The following PSIP1 variants were observed in gnomAD, a reference collection of about 807,000 sequenced individuals.
PSIP1 encodes PC4 and SRSF1 interacting protein 1, also known as PC4 and SFRS1-interacting protein.
PSIP1 carries 19 observed loss-of-function variants against 74.7 expected under a neutral mutation model. The observed-to-expected ratio is 0.25, with a 90% confidence interval of 0.18 to 0.37. The LOEUF (loss-of-function observed/expected upper bound fraction) is 0.37, where lower values mean the gene tolerates loss of function less well. PSIP1 is among the 10% of genes least tolerant of loss of function. The pLI is 1.00. For synonymous variants in PSIP1, 222 were observed against 195.3 expected (o/e 1.14, Z -1.14); for missense variants, 601 against 614.3 (o/e 0.98, Z 0.23).
rs145388705 is a variant in PSIP1 at position 15,479,462 on chromosome 9, G to A, written c.553+129C>T. On this transcript the variant is annotated intron_variant, in intron 7 of 15. Transcript: ENST00000380733. Reference sequence around the variant, plus strand: ...AGCACAAATCATGTTTATCTCCTTTGAAATCTGTATGTTACACATAATCAA... The same window carrying A: ...AGCACAAATCATGTTTATCTCCTTTAAAATCTGTATGTTACACATAATCAA... 2.7e-4 allele frequency: 157 copies of A among 591,690 alleles called. 1 individual carries two copies. Among genetic ancestry groups the A allele is most frequent in the African/African-American group, 2.5e-3 (132 of 51,800 alleles). 36.7% of individuals were successfully genotyped at this position (591,690 alleles called of 1,614,324 possible).
intron 3 of PSIP1, among the ~76,000 whole-genome samples, chr9:15,490,439 T>C (rs1046329146): frequency 1.3e-5 from 2 of 152,022 alleles, no homozygotes; most frequent in African/African-American, 4.8e-5. Flanking sequence ...TCTCACCACT[T>C]TGGGAAGCTG....
In PSIP1 at chr9:15,479,326, C is replaced by A. The variant is rs556983731; in HGVS notation, c.553+265G>T. Among the ~76,000 whole-genome samples the A allele has an allele frequency of 6.6e-5, 10 of 152,134 alleles. No homozygotes were observed. In the East Asian group the frequency reaches 1.7e-3, roughly 26 times the overall value. ...ACTCTTAAGTGAAAGGTAAAATAAA[C>A]CCATTATTCATGATAATTTTAACCT... On this transcript the variant is annotated intron_variant, in intron 7 of 15. Coordinates refer to ENST00000380733, the MANE Select transcript of PSIP1 (RefSeq NM_033222.5).
rs565512752 is a variant in PSIP1 at position 15,494,996 on chromosome 9, C to G, written c.150-4872G>C. ...ACACAAATTCTCCCTCCTGAAAAAC[C>G]AGAAAAACAACAGTAAAGAGATTAT... is the stretch of plus-strand genomic sequence containing the variant. On this transcript the variant is annotated intron_variant, in intron 3 of 15. Transcript: ENST00000380733. Among the ~76,000 whole-genome samples the G allele has an allele frequency of 7.2e-5, 11 of 152,090 alleles. No individual in the cohort carries two copies. In the East Asian group the frequency reaches 2.1e-3, roughly 29 times the overall value.
At chr9:15,507,634 T>C (rs1381598025) in intron 2 of PSIP1, among the ~76,000 whole-genome samples, 2 of 151,838 alleles carry the variant, frequency 1.3e-5, no homozygotes, top group African/African-American at 2.4e-5. Context: ...TGAGATCCTG[T>C]CTTTAAAAAA....
At chr9:15,506,525 T>G (rs757830328) in intron 3 of PSIP1, 36 bp downstream of exon 3, 1 of 1,446,488 alleles carries the variant, frequency 6.9e-7, no homozygotes, top group Non-Finnish European at 9.7e-7. Flanking sequence ...CCTGTTAAAT[T>G]AGCTCTGATT....
chr9:15,505,043 A>AC (rs2037522901), intron 3 of PSIP1: 2 of 146,256 alleles, frequency 1.4e-5, no homozygotes, highest in African/African-American at 2.6e-5. Flanking sequence ...GGCTCAGGTG[A>AC]CGGTTCCACC....
At chr9:15,486,116 A>G (rs1429434412) in intron 5 of PSIP1, 48 bp from the exon 6 acceptor site, 2 of 1,449,990 alleles carry the variant, frequency 1.4e-6, no homozygotes, top group South Asian at 1.2e-5. Flanking sequence ...TATTCCAGGA[A>G]TGAAAGAAAC....
chr9:15,488,347 A>G (rs968818270), intron 4 of PSIP1, among the ~76,000 whole-genome samples: 3 of 152,026 alleles, frequency 2.0e-5, no homozygotes, highest in Admixed American at 1.3e-4. Context: ...AACAACAAAA[A>G]AAAGAGTAAA....
chr9:15,489,862 A>G, intron 4 of PSIP1, 124 bp downstream of exon 4: 1 of 779,264 alleles, frequency 1.3e-6, no homozygotes, highest in Non-Finnish European at 1.8e-6. Flanking sequence ...AACCTCACAA[A>G]TAAGAACACA....
At chr9:15,469,406 G>A (rs2035748715) in intron 11 of PSIP1, 70 bp from the exon 12 acceptor site, 3 of 938,500 alleles carry the variant, frequency 3.2e-6, no homozygotes, top group Middle Eastern at 2.2e-4. Context: ...TACAGGCTAA[G>A]TATAATGAAT....
intron 10 of PSIP1, chr9:15,470,711 C>G (rs1426551759): frequency 1.1e-6 from 1 of 942,326 alleles, no homozygotes; most frequent in Non-Finnish European, 1.3e-6. Flanking sequence ...ACTGTTTAAT[C>G]TCTCAGGATT....
At position 15,500,215 on chromosome 9, in the gene PSIP1, C is replaced by T. The variant is rs369420993; in HGVS notation, c.149+6346G>A. ...GGCGTGGTGGCTCACGCCTGTAATC[C>T]CAGCACTGTGGAGGCCGAGGCAGGA... On this transcript the variant is annotated intron_variant, in intron 3 of 15. Coordinates refer to ENST00000380733, the MANE Select transcript of PSIP1 (RefSeq NM_033222.5). 5.3e-5 allele frequency among the ~76,000 whole-genome samples: 8 copies of T among 152,256 alleles called. No homozygotes were observed. In the East Asian group the frequency reaches 7.7e-4, roughly 15 times the overall value.
rs759129669 is a variant in PSIP1 at position 15,469,903 on chromosome 9, T to TA, written c.1033+34dup. 30 of 1,552,960 alleles carry TA rather than the reference T, an allele frequency of 1.9e-5. No homozygotes were observed. In the African/African-American group the frequency reaches 3.5e-4, roughly 18 times the overall value. On this transcript the variant is annotated intron_variant, in intron 11 of 15. Coordinates refer to ENST00000380733, the MANE Select transcript of PSIP1 (RefSeq NM_033222.5). ...GTCTATATAACTTCTTTTCCATGTATAATTTTATGTATCTTAGAAAGTGAA... is the reference window on the plus strand; with the variant it reads ...GTCTATATAACTTCTTTTCCATGTATAAATTTTATGTATCTTAGAAAGTGAA...
chr9:15,482,672 C>G (rs1225096604), intron 6 of PSIP1, among the ~76,000 whole-genome samples: 2 of 152,206 alleles, frequency 1.3e-5, no homozygotes, highest in African/African-American at 4.8e-5. Flanking sequence ...CATCTTTGAT[C>G]TTTCCTAATT....
Position 15,472,493 on chromosome 9 carries a change from T to C in PSIP1, c.977+139A>G, listed in dbSNP as rs114819604. The C allele has an allele frequency of 1.2e-3, 1,764 of 1,423,498 alleles. 5 individuals carry two copies. In the African/African-American group the frequency reaches 0.016, roughly 13 times the overall value. The allele number at this position is 1,423,498 out of a possible 1,614,324, so 88.2% of individuals were successfully genotyped here. On this transcript the variant is annotated intron_variant, in intron 10 of 15. Coordinates refer to ENST00000380733, the MANE Select transcript of PSIP1 (RefSeq NM_033222.5). The stretch of plus-strand genomic sequence containing the variant: ...CCTGAAATAAGATCATCATCATATA[T>C]TGAAGATTTTTCTAACACATGGGAA...
At chr9:15,479,335 CATG>C (rs973534411) in intron 7 of PSIP1, among the ~76,000 whole-genome samples, 108 of 152,196 alleles carry the variant, frequency 7.1e-4, no homozygotes, top group African/African-American at 2.2e-3. Flanking sequence ...ACCCATTATT[CATG>C]ATAATTTTAA....
intron 10 of PSIP1, chr9:15,472,086 A>G (rs958866164): frequency 4.0e-5 from 39 of 981,378 alleles, no homozygotes; most frequent in East Asian, 1.1e-4. Flanking sequence ...TCCTGTCTCT[A>G]TAAGTATCAA....
At chr9:15,465,680 G>T in intron 15 of PSIP1, 100 bp from the exon 16 acceptor site, 2 of 950,900 alleles carry the variant, frequency 2.1e-6, no homozygotes, top group Non-Finnish European at 3.1e-6. Flanking sequence ...CCCATGAAAA[G>T]ACTGAAACCA....
chr9:15,464,393 A>G lies in PSIP1; in HGVS notation c.*1127T>C, dbSNP rs1290394733. 2.0e-5 allele frequency: 4 copies of G among 195,650 alleles called. No homozygotes were observed. The highest frequency in any genetic ancestry group is 9.2e-5 in the African/African-American group (4 of 43,244). The allele number at this position is 195,650 out of a possible 1,614,324, so 12.1% of individuals were successfully genotyped here. A position where few individuals can be genotyped will look rare whatever the true frequency, so the allele number is the denominator to read the frequency against. On this transcript the variant is annotated 3_prime_UTR_variant, in exon 16 of 16. Transcript: ENST00000380733. ...TTGCTGAGAAGTGCCAAATGACCCT[A>G]ATATTCAAAATATCTTAGAAATGCT... is the stretch of plus-strand genomic sequence containing the variant.
Sources: gnomAD v4.1 joint callset for allele counts (sites outside exome capture counted in the v4.1 genomes callset) on GRCh38, gnomAD v4.1.1 for gene constraint, MANE v1.5 for transcripts, NCBI Gene and HGNC (gene_info 2026-07-23, HGNC 2026-07-21) for gene names.